PPP4R3A: variants seen among roughly 807,000 people sequenced by gnomAD.
PPP4R3A encodes the protein serine/threonine-protein phosphatase 4 regulatory subunit 3A.
Under a neutral mutation model 91.7 loss-of-function variants are expected in PPP4R3A, and 15 were observed. The observed-to-expected ratio is 0.16, with a 90% confidence interval of 0.11 to 0.25. The LOEUF is 0.25. Ranked by LOEUF, PPP4R3A falls within the 10% of genes least tolerant of loss-of-function variation. The probability of loss-of-function intolerance (pLI) is 1.00; values close to 1 mark genes in which losing one functional copy is unlikely to be tolerated. For missense variants in PPP4R3A, 623 were observed against 998.4 expected (o/e 0.62, Z 5.07); for synonymous variants, 377 against 348.7 (o/e 1.08, Z -0.91).
At chr14:91,492,562 C>T (rs1890289575) in intron 1 of PPP4R3A, among the ~76,000 whole-genome samples, 1 of 152,198 alleles carries the variant, frequency 6.6e-6, no homozygotes, top group South Asian at 2.1e-4. Context: ...GAACAGCTTT[C>T]CACTTCACAC....
At chr14:91,509,237 C>T (rs1891613056) in intron 1 of PPP4R3A, among the ~76,000 whole-genome samples, 1 of 152,204 alleles carries the variant, frequency 6.6e-6, no homozygotes, top group South Asian at 2.1e-4. Context: ...CTCGACCTCT[C>T]CACACTCCAG....
At chr14:91,499,239 T>C (rs1040906747) in intron 1 of PPP4R3A, among the ~76,000 whole-genome samples, 4 of 151,868 alleles carry the variant, frequency 2.6e-5, no homozygotes, top group African/African-American at 7.3e-5. Context: ...CACTCCAGCC[T>C]GGGCGACAGA....
chr14:91,458,964 C>A, intron 14 of PPP4R3A, 95 bp from the exon 15 acceptor site: 1 of 1,372,096 alleles, frequency 7.3e-7, no homozygotes, highest in Admixed American at 2.6e-5. Flanking sequence ...ATCCTACCAA[C>A]ATAGTAACGG....
intron 4 of PPP4R3A, among the ~76,000 whole-genome samples, chr14:91,479,594 A>G (rs1178923178): frequency 6.6e-6 from 1 of 151,900 alleles, no homozygotes. Flanking sequence ...CCCAGGCTAG[A>G]GTGCAATGGT....
chr14:91,479,812 G>T (rs547825155), intron 4 of PPP4R3A, among the ~76,000 whole-genome samples: 1 of 152,352 alleles, frequency 6.6e-6, no homozygotes, highest in African/African-American at 2.4e-5. Context: ...AAAGTGCTGG[G>T]ATTGTAGGCG....
At chr14:91,471,088 T>G in intron 9 of PPP4R3A, 93 bp from the exon 10 acceptor site, 17 of 1,212,992 alleles carry the variant, frequency 1.4e-5, no homozygotes, top group Non-Finnish European at 1.9e-5. Context: ...GTAAAATCTC[T>G]TCTATTAACC....
At chr14:91,491,187 G>A (rs1056423971) in intron 1 of PPP4R3A, among the ~76,000 whole-genome samples, 5 of 151,900 alleles carry the variant, frequency 3.3e-5, no homozygotes, top group Non-Finnish European at 7.4e-5. Flanking sequence ...CATTACACCC[G>A]TGAGCCACTG....
intron 10 of PPP4R3A, 55 bp downstream of exon 10, chr14:91,470,782 G>A: frequency 6.4e-7 from 1 of 1,570,650 alleles, no homozygotes; most frequent in Non-Finnish European, 8.6e-7. Flanking sequence ...GCAATAAGAT[G>A]TAAAAAATAC....
At chr14:91,466,910 CGGGCTTTGT>C (rs1251747748) in intron 10 of PPP4R3A, among the ~76,000 whole-genome samples, 1 of 147,778 alleles carries the variant, frequency 6.8e-6, no homozygotes, top group Non-Finnish European at 1.5e-5. Flanking sequence ...TCCAACTTTG[CGGGCTTTGT>C]GGAGACTTGT....
At chr14:91,467,385 A>C (rs544115661) in intron 10 of PPP4R3A, among the ~76,000 whole-genome samples, 1 of 152,320 alleles carries the variant, frequency 6.6e-6, no homozygotes, top group South Asian at 2.1e-4. Context: ...GCTTCCACTC[A>C]CATCTCTAAC....
intron 14 of PPP4R3A, 86 bp downstream of exon 14, chr14:91,461,295 G>T: frequency 8.0e-7 from 1 of 1,255,062 alleles, no homozygotes. Context: ...CTAGGTGGCA[G>T]TAACCAAAGG....
chr14:91,509,449 G>T, intron 1 of PPP4R3A, 57 bp downstream of exon 1: 1 of 1,538,098 alleles, frequency 6.5e-7, no homozygotes, highest in Admixed American at 1.9e-5. Flanking sequence ...AAGAACCAGG[G>T]AGGCGGCCCA....
At chr14:91,494,911 C>A (rs1023248504) in intron 1 of PPP4R3A, among the ~76,000 whole-genome samples, 1 of 152,076 alleles carries the variant, frequency 6.6e-6, no homozygotes, top group Admixed American at 6.6e-5. Flanking sequence ...TTAGTACCCA[C>A]TAGAATGTCT....
chr14:91,488,244 T>C (rs1321777335), intron 2 of PPP4R3A, among the ~76,000 whole-genome samples: 2 of 151,884 alleles, frequency 1.3e-5, no homozygotes, highest in African/African-American at 4.8e-5. Flanking sequence ...CCAAACTGCA[T>C]ATTAACTCTG....
intron 10 of PPP4R3A, chr14:91,466,465 G>C: frequency 1.0e-6 from 1 of 985,172 alleles, no homozygotes; most frequent in Non-Finnish European, 1.2e-6. Context: ...TCTTTAGTTG[G>C]CAGAAAAGAG....
chr14:91,472,388 G>A (rs956336980), intron 9 of PPP4R3A, among the ~76,000 whole-genome samples: 8 of 143,546 alleles, frequency 5.6e-5, no homozygotes, highest in Non-Finnish European at 1.1e-4. Context: ...TACAAATATT[G>A]TTCAACAAAA....
Position 91,481,666 on chromosome 14 carries a change from T to C in PPP4R3A, c.825A>G (p.Leu275=). Residue 275 remains leucine, a synonymous_variant, in exon 4 of 15, where the codon CTA becomes CTG. Transcript: ENST00000554943. ...TTTCTTCAAAGACCGAAGGAGTTGG[T>C]AGAACCATATCTTGTATATACTGAA... ...YRVQYIQDMV[L]PTPSVFEENM... 6.2e-7 allele frequency: 1 copy of C among 1,612,868 alleles called. No homozygotes were observed. Among genetic ancestry groups the C allele is most frequent in the Non-Finnish European group, 8.5e-7 (1 of 1,179,736 alleles).
At position 91,509,885 on chromosome 14, in the gene PPP4R3A, A is replaced by AGCCCGGC; in HGVS notation, c.-245_-239dup. On this transcript the variant is annotated 5_prime_UTR_variant, in exon 1 of 15. Coordinates refer to ENST00000554943, the MANE Select transcript of PPP4R3A (RefSeq NM_001366432.2). ...CCGGCGCTATTGTCCAGGCCTGGCGAGCCCGGCGCCCGGCAGCCCCGAGGG... is the reference window on the plus strand; with the variant it reads ...CCGGCGCTATTGTCCAGGCCTGGCGAGCCCGGCGCCCGGCGCCCGGCAGCCCCGAGGG... 1.8e-6 allele frequency: 2 copies of AGCCCGGC among 1,094,680 alleles called. No homozygotes were observed. Among genetic ancestry groups the AGCCCGGC allele is most frequent in the East Asian group, 1.1e-4 (2 of 17,624 alleles). The allele number at this position is 1,094,680 out of a possible 1,614,324, so 67.8% of individuals were successfully genotyped here.
chr14:91,490,926 A>T, intron 1 of PPP4R3A, 124 bp from the exon 2 acceptor site: 1 of 374,352 alleles, frequency 2.7e-6, no homozygotes, highest in Non-Finnish European at 4.3e-6. Context: ...TTTTAATGAG[A>T]CAGGGCTTCT....
Sources: allele counts gnomAD v4.1 joint callset (sites outside exome capture counted in the v4.1 genomes callset), GRCh38; gene constraint gnomAD v4.1.1; transcripts MANE v1.5; gene names NCBI Gene and HGNC (gene_info 2026-07-23, HGNC 2026-07-21).